Variants in TMCO5A observed in about 807,000 individuals in gnomAD.
The protein encoded by TMCO5A is transmembrane and coiled-coil domains 5A.
A neutral mutation model predicts 42.3 loss-of-function variants in TMCO5A; 34 were observed. That is an observed-to-expected ratio of 0.80 (90% CI 0.61 to 1.07). The LOEUF (loss-of-function observed/expected upper bound fraction) is 1.07, where lower values mean the gene tolerates loss of function less well. Among genes scored for constraint, TMCO5A ranks in the 50% least tolerant of loss-of-function variants. The pLI, the probability that TMCO5A is intolerant of heterozygous loss-of-function variation, is 0.00. For missense variants in TMCO5A, 357 were observed against 327.9 expected (o/e 1.09, Z -0.69); for synonymous variants, 131 against 115.6 (o/e 1.13, Z -0.86).
chr15:38,008,099 G>A, the TMCO5A span, among the ~76,000 whole-genome samples: 2 of 151,650 alleles, frequency 1.3e-5, no homozygotes, highest in Admixed American at 1.3e-4. Context: ...GTTTCACCAT[G>A]TTAGCCGGGA....
At chr15:38,037,379 T>A in the TMCO5A span, among the ~76,000 whole-genome samples, 1 of 152,214 alleles carries the variant, frequency 6.6e-6, no homozygotes, top group African/African-American at 2.4e-5. Flanking sequence ...ATTAGCTCAT[T>A]TCTGTTTGGG....
intron 11 of TMCO5A, among the ~76,000 whole-genome samples, chr15:37,948,433 T>C (rs897582412): frequency 3.9e-5 from 6 of 152,076 alleles, no homozygotes; most frequent in Non-Finnish European, 7.4e-5. Context: ...TCAGCTCCAA[T>C]TGTCTAGAAA....
the TMCO5A span, among the ~76,000 whole-genome samples, chr15:38,008,995 A>G: frequency 6.6e-6 from 1 of 152,202 alleles, no homozygotes; most frequent in African/African-American, 2.4e-5. Context: ...GAAGAAACAT[A>G]TGGAAAAAGA....
the TMCO5A span, among the ~76,000 whole-genome samples, chr15:38,022,748 T>A: frequency 1.3e-5 from 2 of 152,160 alleles, no homozygotes; most frequent in Non-Finnish European, 2.9e-5. Flanking sequence ...AGGTTATGCA[T>A]ATGTGGAGGC....
At chr15:37,943,860 A>G (rs1276786174) in intron 10 of TMCO5A, 2 of 155,450 alleles carry the variant, frequency 1.3e-5, no homozygotes, top group Non-Finnish European at 2.9e-5. Context: ...ATAGAACGCT[A>G]TTGCTTCTTT....
In TMCO5A at chr15:37,936,596, G is replaced by GA. The variant is rs1239812335; in HGVS notation, c.140+134dup. ...GCAAAAAGTTAATTTTTCATTCTTTGACATTTCTCTTGAACACTGAAGCAT... is the reference window on the plus strand; with the variant it reads ...GCAAAAAGTTAATTTTTCATTCTTTGAACATTTCTCTTGAACACTGAAGCAT... On this transcript the variant is annotated intron_variant, in intron 3 of 11. Coordinates refer to ENST00000319669, the MANE Select transcript of TMCO5A (RefSeq NM_152453.4). The GA allele has an allele frequency of 2.5e-6, 3 of 1,221,422 alleles. No homozygotes were observed. In the East Asian group the frequency reaches 7.3e-5, roughly 30 times the overall value. The allele number at this position is 1,221,422 out of a possible 1,614,324, so 75.7% of individuals were successfully genotyped here. A position where few individuals can be genotyped will look rare whatever the true frequency, so the allele number is the denominator to read the frequency against.
chr15:38,006,169 G>A, the TMCO5A span, among the ~76,000 whole-genome samples: 2 of 152,214 alleles, frequency 1.3e-5, no homozygotes, highest in African/African-American at 4.8e-5. Flanking sequence ...AAGCAGCAGA[G>A]TAGATCAGGA....
chr15:37,980,840 C>A, the TMCO5A span, among the ~76,000 whole-genome samples: 49 of 152,008 alleles, frequency 3.2e-4, no homozygotes, highest in Non-Finnish European at 4.7e-4. Flanking sequence ...AAATCCACAC[C>A]CTCTAAACCC....
the TMCO5A span, among the ~76,000 whole-genome samples, chr15:38,021,963 C>T: frequency 6.6e-6 from 1 of 151,928 alleles, no homozygotes; most frequent in Admixed American, 6.6e-5. Context: ...GCAAGCGCCA[C>T]CAAGTCCAGC....
chr15:37,947,952 A>G (rs2140282316), intron 11 of TMCO5A, among the ~76,000 whole-genome samples: 1 of 152,252 alleles, frequency 6.6e-6, no homozygotes, highest in East Asian at 1.9e-4. Context: ...TAAGAAATAG[A>G]AATTTGATTA....
the TMCO5A span, among the ~76,000 whole-genome samples, chr15:37,976,973 T>G: frequency 6.6e-6 from 1 of 152,112 alleles, no homozygotes; most frequent in Non-Finnish European, 1.5e-5. Context: ...GGTTTCACCA[T>G]GTTGACCAGG....
chr15:37,998,394 A>T, the TMCO5A span, among the ~76,000 whole-genome samples: 4 of 152,138 alleles, frequency 2.6e-5, no homozygotes, highest in Admixed American at 1.3e-4. Flanking sequence ...AGAGATAGGG[A>T]TCTAGTTTTA....
intron 11 of TMCO5A, among the ~76,000 whole-genome samples, chr15:37,957,745 A>C (rs2140808061): frequency 6.6e-6 from 1 of 152,300 alleles, no homozygotes; most frequent in East Asian, 1.9e-4. Flanking sequence ...AACTACTTTA[A>C]ATTTCATATG....
the TMCO5A span, among the ~76,000 whole-genome samples, chr15:37,999,068 A>G: frequency 5.9e-5 from 9 of 152,176 alleles, no homozygotes; most frequent in African/African-American, 2.2e-4. Flanking sequence ...CACCATGCCC[A>G]GCTAATTTTA....
intron 11 of TMCO5A, among the ~76,000 whole-genome samples, chr15:37,962,502 T>C (rs951437481): frequency 1.3e-5 from 2 of 152,124 alleles, no homozygotes; most frequent in Non-Finnish European, 2.9e-5. Context: ...TAGTTTTCTT[T>C]TTTGGTTGTG....
At chr15:37,988,276 T>A in the TMCO5A span, among the ~76,000 whole-genome samples, 1 of 152,018 alleles carries the variant, frequency 6.6e-6, no homozygotes, top group Admixed American at 6.6e-5. Flanking sequence ...ATGTATAAAA[T>A]CATGCCATCT....
chr15:37,997,084 G>A, the TMCO5A span, among the ~76,000 whole-genome samples: 3 of 151,928 alleles, frequency 2.0e-5, no homozygotes, highest in Admixed American at 1.3e-4. Context: ...GAGATGGCAT[G>A]TAGGATAACT....
At chr15:37,940,303 G>T (rs980080804) in intron 6 of TMCO5A, among the ~76,000 whole-genome samples, 1 of 151,996 alleles carries the variant, frequency 6.6e-6, no homozygotes, top group Non-Finnish European at 1.5e-5. Flanking sequence ...ACCCTGTCTC[G>T]GCCCTACCTA....
chr15:37,996,373 G>A, the TMCO5A span, among the ~76,000 whole-genome samples: 1 of 152,166 alleles, frequency 6.6e-6, no homozygotes, highest in East Asian at 1.9e-4. Context: ...TGAAAGAAGT[G>A]GATTCAACGT....
Sources: allele counts gnomAD v4.1 joint callset (sites outside exome capture counted in the v4.1 genomes callset), GRCh38; gene constraint gnomAD v4.1.1; transcripts MANE v1.5; gene names NCBI Gene and HGNC (gene_info 2026-07-23, HGNC 2026-07-21).